Variants in ANKRD17 observed in about 807,000 individuals in gnomAD.
ANKRD17 encodes the protein ankyrin repeat domain 17.
ANKRD17 carries 19 observed loss-of-function variants against 229.7 expected under a neutral mutation model. The observed-to-expected ratio is 0.08, with a 90% CI of 0.06 to 0.12. The LOEUF (loss-of-function observed/expected upper bound fraction) is 0.12, where lower values mean the gene tolerates loss of function less well. Among genes scored for constraint, ANKRD17 ranks in the 10% least tolerant of loss-of-function variants. The pLI is 1.00. For missense variants in ANKRD17, 2,176 were observed against 3,176.8 expected (o/e 0.68, Z 7.57); for synonymous variants, 1,112 against 1,146.1 (o/e 0.97, Z 0.60).
chr4:73,231,758 G>A (rs1203457441), intron 1 of ANKRD17, among the ~76,000 whole-genome samples: 2 of 152,152 alleles, frequency 1.3e-5, no homozygotes, highest in African/African-American at 4.8e-5. Context: ...TTAAATGGTT[G>A]GGATTTTCAG....
chr4:73,103,747 C>T (rs982036646), intron 24 of ANKRD17, among the ~76,000 whole-genome samples: 6 of 151,580 alleles, frequency 4.0e-5, no homozygotes, highest in Non-Finnish European at 7.4e-5. Flanking sequence ...AGTTTTCATT[C>T]AAAAAAGTCT....
Position 73,078,875 on chromosome 4 carries a change from G to T in ANKRD17, c.7175C>A (p.Ser2392Ter). The T allele has an allele frequency of 6.2e-7, 1 of 1,614,040 alleles. No individual in the cohort carries two copies. The highest frequency in any genetic ancestry group is 1.1e-5 in the South Asian group (1 of 91,020). Residue 2392 changes from serine to a stop codon, truncating the protein, a stop_gained, in exon 31 of 34, where the codon TCA becomes TAA. Transcript: ENST00000358602. LOFTEE classifies it high-confidence loss of function. ...SSASNDSSAQ[S>*]VSSGVRAPSP... ...TGGTGCACGAACTCCCGAGGATACT[G>T]ACTGTGCAGAAGAATCTAGAGAAGA...
At chr4:73,225,861 C>CAAAAAAAAAAAAAAAAAAAAAA (rs375866026) in intron 1 of ANKRD17, among the ~76,000 whole-genome samples, 2 of 66,696 alleles carry the variant, frequency 3.0e-5, no homozygotes, top group African/African-American at 5.6e-5. Flanking sequence ...GACTCTGTCT[C>CAAAAAAAAAAAAAAAAAAAAAA]AAAAAAAAAA....
intron 2 of ANKRD17, among the ~76,000 whole-genome samples, chr4:73,164,230 T>C (rs145763102): frequency 1.5e-4 from 23 of 152,324 alleles, no homozygotes; most frequent in Non-Finnish European, 2.9e-4. Flanking sequence ...TTGTCAGTGA[T>C]AGCAACAGCA....
In ANKRD17 at chr4:73,162,459, T is replaced by G. The variant is rs560425387; in HGVS notation, c.548-1111A>C. 2.6e-5 allele frequency among the ~76,000 whole-genome samples: 4 copies of G among 152,166 alleles called. No individual in the cohort carries two copies. In the South Asian group the frequency reaches 8.3e-4, roughly 32 times the overall value. On this transcript the variant is annotated intron_variant, in intron 2 of 33. Transcript: ENST00000358602. Reference sequence around the variant, plus strand: ...ATCCTCCCACTTCAGCCTCCCAAAGTGCTCCCAATTACAGGTGTAAACTAC... The same window carrying G: ...ATCCTCCCACTTCAGCCTCCCAAAGGGCTCCCAATTACAGGTGTAAACTAC...
chr4:73,136,947 ATTTTC>A (rs1238556976), intron 15 of ANKRD17, among the ~76,000 whole-genome samples: 1 of 141,586 alleles, frequency 7.1e-6, no homozygotes, highest in Non-Finnish European at 1.5e-5. Flanking sequence ...CAACTGGAAT[ATTTTC>A]TTTTAAAGAA....
chr4:73,136,974 TAC>T (rs1222410012), intron 15 of ANKRD17, among the ~76,000 whole-genome samples: 1 of 130,758 alleles, frequency 7.6e-6, no homozygotes, highest in Admixed American at 9.0e-5. Context: ...CTACCAAAAT[TAC>T]AGAGTTTTTT....
At chr4:73,221,557 G>C (rs1741856778) in intron 1 of ANKRD17, among the ~76,000 whole-genome samples, 1 of 152,106 alleles carries the variant, frequency 6.6e-6, no homozygotes, top group Non-Finnish European at 1.5e-5. Flanking sequence ...TGTAACACTA[G>C]AACTCTGTAA....
chr4:73,084,550 G>C (rs1417800198), intron 30 of ANKRD17, among the ~76,000 whole-genome samples: 1 of 151,334 alleles, frequency 6.6e-6, no homozygotes, highest in Non-Finnish European at 1.5e-5. Flanking sequence ...CTGGGTTCAA[G>C]CAATTCTCCT....
rs1742908227 is a variant in ANKRD17, at chr4:73,230,198, T to G, written c.393+28078A>C. ...AGGATATATGTAAGAAAGGACTAAG[T>G]TAAAGATACATAAAATTGTAACATT... On this transcript the variant is annotated intron_variant, in intron 1 of 33. Transcript: ENST00000358602. Among the ~76,000 whole-genome samples, 3 of 152,206 alleles carry G rather than the reference T, an allele frequency of 2.0e-5. No individual in the cohort carries two copies. In the South Asian group the frequency reaches 6.2e-4, roughly 32 times the overall value.
rs529845866 is a variant in ANKRD17, at chr4:73,153,920, A to G, written c.1194T>C (p.Asn398=). Residue 398 remains asparagine (N), a synonymous_variant, in exon 6 of 34, where the codon AAT becomes AAC. Transcript: ENST00000358602. ...ENGAGINTHS[N]EFKESALTLA... ...AGGTAAGGGCACTCTCTTTAAATTCATTAGAATGCGTATTAATGCCAGCCC... is the reference window on the plus strand; with the variant it reads ...AGGTAAGGGCACTCTCTTTAAATTCGTTAGAATGCGTATTAATGCCAGCCC... The G allele has an allele frequency of 2.5e-6, 4 of 1,609,316 alleles. No individual in the cohort carries two copies. In the South Asian group the frequency reaches 4.4e-5, roughly 18 times the overall value.
chr4:73,128,862 A>G (rs749517209), intron 16 of ANKRD17, among the ~76,000 whole-genome samples: 11 of 152,196 alleles, frequency 7.2e-5, no homozygotes, highest in Non-Finnish European at 1.0e-4. Flanking sequence ...TGAATACATC[A>G]ATAAACAAAT....
In ANKRD17 at chr4:73,153,665, AAT is replaced by A. The variant is rs1312240377; in HGVS notation, c.1234+213_1234+214del. ...TTCTGATAAAACAATTAGATCAATT[AAT>A]ACTCATTTTTCAGTGACAATATTTA... On this transcript the variant is annotated intron_variant, in intron 6 of 33. Coordinates refer to ENST00000358602, the MANE Select transcript of ANKRD17 (RefSeq NM_032217.5). 3.3e-5 allele frequency among the ~76,000 whole-genome samples: 5 copies of A among 152,342 alleles called. No homozygotes were observed. The East Asian group carries it at 9.6e-4, about 29-fold the overall frequency.
intron 27 of ANKRD17, 142 bp downstream of exon 27, chr4:73,096,975 C>T (rs536815378): frequency 1.1e-6 from 1 of 924,456 alleles, no homozygotes; most frequent in African/African-American, 1.7e-5. Context: ...ATGGCACAGG[C>T]TCTCTCTGTT....
rs776363053 is a variant in ANKRD17 at position 73,141,857 on chromosome 4, C to T, written c.2230-14G>A. Reference sequence around the variant, plus strand: ...TACACGAGGAGCCTAAGACAAAGGACACTAAGTGACTATTAGTGTCCTACA... The same window carrying T: ...TACACGAGGAGCCTAAGACAAAGGATACTAAGTGACTATTAGTGTCCTACA... On this transcript the variant is annotated splice_polypyrimidine_tract_variant and intron_variant, in intron 13 of 33. Coordinates refer to ENST00000358602, the MANE Select transcript of ANKRD17 (RefSeq NM_032217.5). The T allele has an allele frequency of 1.9e-6, 3 of 1,599,000 alleles. No individual in the cohort carries two copies. The highest frequency in any genetic ancestry group is 3.4e-5 in the Admixed American group (2 of 59,632).
chr4:73,144,513 C>T (rs1730003289), intron 11 of ANKRD17, among the ~76,000 whole-genome samples: 1 of 152,094 alleles, frequency 6.6e-6, no homozygotes, highest in African/African-American at 2.4e-5. Flanking sequence ...TTTCCCTTTC[C>T]TTTATACGTT....
At position 73,125,241 on chromosome 4, in the gene ANKRD17, C is replaced by A. The variant is rs1418939990; in HGVS notation, c.3306G>T (p.Leu1102=). ...GCTCTATACTAGCTCCTCTCTCTAG[C>A]AGTGTTTGTACCAGTTCCTCGTGGC... ...AGGHEELVQT[L]LERGASIEHR... is the part of the protein sequence containing the mutation. The change falls in exon 17 of 34, where the codon CTG becomes CTT. Residue 1102 remains leucine (L), a synonymous_variant. Coordinates refer to ENST00000358602, the MANE Select transcript of ANKRD17 (RefSeq NM_032217.5). The A allele has an allele frequency of 1.9e-6, 3 of 1,613,976 alleles. No individual in the cohort carries two copies. The South Asian group carries it at 3.3e-5, about 18-fold the overall frequency.
chr4:73,141,568 CA>C (rs1211212715), intron 14 of ANKRD17, among the ~76,000 whole-genome samples, 172 bp downstream of exon 14: 1 of 152,168 alleles, frequency 6.6e-6, no homozygotes, highest in Non-Finnish European at 1.5e-5. Context: ...AATTGTAGCA[CA>C]AATTAGTGCT....
At chr4:73,228,802 T>C (rs567533175) in intron 1 of ANKRD17, among the ~76,000 whole-genome samples, 4 of 152,336 alleles carry the variant, frequency 2.6e-5, no homozygotes, top group Admixed American at 6.5e-5. Flanking sequence ...CAAAGGATTA[T>C]AAATCATGCT....
Sources: allele counts gnomAD v4.1 joint callset (sites outside exome capture counted in the v4.1 genomes callset), GRCh38; gene constraint gnomAD v4.1.1; transcripts MANE v1.5; gene names NCBI Gene and HGNC (gene_info 2026-07-23, HGNC 2026-07-21).